The following UROS variants were observed in gnomAD, a reference collection of about 807,000 sequenced individuals.
UROS encodes uroporphyrinogen-III synthase.
UROS carries 18 observed loss-of-function variants against 33.0 expected under a neutral mutation model. The ratio of observed to expected loss-of-function variants is 0.55; its 90% CI spans 0.38 to 0.81. The LOEUF is 0.81. Ranked by LOEUF, UROS falls within the 30% of genes least tolerant of loss-of-function variation. UROS has a pLI of 0.00. For synonymous variants in UROS, 114 were observed against 121.1 expected (o/e 0.94, Z 0.38); for missense variants, 293 against 314.9 (o/e 0.93, Z 0.53).
rs1589905724 is a variant in UROS, at chr10:125,788,723, G to A, written c.*145C>T. ...TGAGGCCAGCCCCAGGTCAGGTCCC[G>A]ATCCCCGGTCCTCAGGTGCTTCCAC... is the stretch of plus-strand genomic sequence containing the variant. On this transcript the variant is annotated 3_prime_UTR_variant, in exon 10 of 10. Coordinates refer to ENST00000368797, the MANE Select transcript of UROS (RefSeq NM_000375.3). The A allele has an allele frequency of 6.9e-6, 10 of 1,439,706 alleles. 1 individual carries two copies. The highest frequency in any genetic ancestry group is 4.4e-5 in the South Asian group (3 of 68,022). The allele number at this position is 1,439,706 out of a possible 1,614,324, so 89.2% of individuals were successfully genotyped here. A position where few individuals can be genotyped will look rare whatever the true frequency, so the allele number is the denominator to read the frequency against.
chr10:125,816,332 C>T, intron 2 of UROS, 72 bp from the exon 3 acceptor site: 1 of 1,599,710 alleles, frequency 6.3e-7, no homozygotes. Flanking sequence ...ACAATTTATT[C>T]TGCGTCAGTT....
At chr10:125,820,340 C>T (rs1466969073) in intron 1 of UROS, among the ~76,000 whole-genome samples, 2 of 152,152 alleles carry the variant, frequency 1.3e-5, no homozygotes, top group African/African-American at 4.8e-5. Flanking sequence ...AAGGCCTCAG[C>T]ACCAGGAGCA....
chr10:125,809,929 AT>A (rs1220544326), intron 5 of UROS, among the ~76,000 whole-genome samples: 2 of 152,184 alleles, frequency 1.3e-5, no homozygotes, highest in Non-Finnish European at 2.9e-5. Context: ...AGCGTGCAAC[AT>A]TTATAAAGAA....
intron 1 of UROS, among the ~76,000 whole-genome samples, chr10:125,821,143 C>T (rs966623426): frequency 3.9e-5 from 6 of 152,174 alleles, no homozygotes; most frequent in Admixed American, 1.3e-4. Flanking sequence ...TACATATATA[C>T]CCCAAAGAAT....
chr10:125,813,305 C>T (rs1035008019), intron 4 of UROS, among the ~76,000 whole-genome samples: 1 of 152,164 alleles, frequency 6.6e-6, no homozygotes, highest in African/African-American at 2.4e-5. Context: ...ACTCCTACTG[C>T]TTATTCCCTA....
intron 6 of UROS, chr10:125,803,078 G>A: frequency 6.2e-7 from 1 of 1,611,920 alleles, no homozygotes; most frequent in African/African-American, 1.3e-5. Flanking sequence ...TCTTTTAGAA[G>A]CACACAGAGC....
intron 6 of UROS, among the ~76,000 whole-genome samples, chr10:125,806,329 A>G (rs898095872): frequency 1.3e-5 from 2 of 152,122 alleles, no homozygotes; most frequent in Non-Finnish European, 2.9e-5. Flanking sequence ...CTCTCTCCCT[A>G]TACCACTCAT....
At chr10:125,787,124 C>T (rs78084887), downstream of UROS, among the ~76,000 whole-genome samples, 10,661 of 152,302 alleles carry the variant, frequency 0.07, 476 homozygotes, top group South Asian at 0.23. Flanking sequence ...CACATCTCTT[C>T]AAAAGGTGGC....
intron 3 of UROS, 53 bp downstream of exon 3, chr10:125,816,124 T>C: frequency 6.6e-7 from 1 of 1,526,558 alleles, no homozygotes; most frequent in Middle Eastern, 1.7e-4. Context: ...TGGCTTCAGC[T>C]GGCAAGGGAG....
chr10:125,803,580 G>A (rs1473535159), intron 6 of UROS, among the ~76,000 whole-genome samples: 1 of 152,228 alleles, frequency 6.6e-6, no homozygotes, highest in Non-Finnish European at 1.5e-5. Context: ...TCCAGTGACT[G>A]CCTTTTGGGC....
downstream of UROS, among the ~76,000 whole-genome samples, chr10:125,787,982 T>G (rs565801852): frequency 3.3e-5 from 5 of 152,310 alleles, no homozygotes; most frequent in African/African-American, 1.2e-4. Context: ...CACCAGAGTC[T>G]GTTTCCTCAC....
rs1851962287 is a variant in UROS at position 125,802,905 on chromosome 10, C to T, written c.394+4508G>A. 3 of 1,598,450 alleles carry T rather than the reference C, an allele frequency of 1.9e-6. No homozygotes were observed. The Admixed American group carries it at 5.2e-5, about 28-fold the overall frequency. ...GCTGGCCTCACCCTCAGGGGCTTTC[C>T]CCACCGCCTTGCCACCAAGGATGCG... On this transcript the variant is annotated intron_variant, in intron 6 of 9. Coordinates refer to ENST00000368797, the MANE Select transcript of UROS (RefSeq NM_000375.3).
At position 125,812,246 on chromosome 10, in the gene UROS, A is replaced by G. The variant is rs201889293; in HGVS notation, c.287T>C (p.Val96Ala). 1.2e-6 allele frequency: 2 copies of G among 1,613,896 alleles called. No individual in the cohort carries two copies. The highest frequency in any genetic ancestry group is 4.5e-5 in the East Asian group (2 of 44,846). ...AGCAGTAGCATTTCCAACCACATAC[A>G]CTGACTTGGCATTCCATTTTTCTTT... ...SLKEKWNAKS[V>A]YVVGNATASL... The change falls in exon 5 of 10, where the codon GTG becomes GCG. Residue 96 changes from valine (V) to alanine (A), a missense_variant. Physicochemically the swap from Val to Ala is moderately conservative, Grantham distance 64 (BLOSUM62 0). Transcript: ENST00000368797.
At chr10:125,820,275 G>T (rs189659383) in intron 1 of UROS, among the ~76,000 whole-genome samples, 14 of 152,336 alleles carry the variant, frequency 9.2e-5, no homozygotes, top group Admixed American at 2.0e-4. Flanking sequence ...CAGGAAGGCT[G>T]GTGTTGTAGC....
At chr10:125,812,130 AT>A in intron 5 of UROS, 83 bp downstream of exon 5, 1 of 1,352,814 alleles carries the variant, frequency 7.4e-7, no homozygotes, top group Non-Finnish European at 1.0e-6. Context: ...AAAAAATAAT[AT>A]TTTTAAACTG....
intron 6 of UROS, among the ~76,000 whole-genome samples, chr10:125,799,380 C>A (rs776917486): frequency 6.6e-6 from 1 of 152,196 alleles, no homozygotes. Context: ...AGGCAATTTT[C>A]TTCCCCGTTT....
chr10:125,814,931 T>C, intron 4 of UROS, 103 bp downstream of exon 4: 1 of 1,272,880 alleles, frequency 7.9e-7, no homozygotes, highest in Non-Finnish European at 1.1e-6. Flanking sequence ...CACTAAGCAC[T>C]CACTTCTCTT....
intron 6 of UROS, among the ~76,000 whole-genome samples, chr10:125,804,047 T>C (rs553249098): frequency 1.7e-3 from 266 of 152,344 alleles, no homozygotes; most frequent in Middle Eastern, 3.4e-3. Flanking sequence ...AACTTCCCAT[T>C]AGAGGTGAGA....
chr10:125,796,540 T>C (rs1487917926), intron 7 of UROS, among the ~76,000 whole-genome samples: 5 of 152,186 alleles, frequency 3.3e-5, no homozygotes, highest in Admixed American at 2.6e-4. Flanking sequence ...CACAGACTGG[T>C]TGCATGACAC....
Sources: gnomAD v4.1 joint callset for allele counts (sites outside exome capture counted in the v4.1 genomes callset) on GRCh38, gnomAD v4.1.1 for gene constraint, MANE v1.5 for transcripts, NCBI Gene and HGNC (gene_info 2026-07-23, HGNC 2026-07-21) for gene names.